Variants in TTLL5 observed in about 807,000 individuals in gnomAD.
TTLL5 encodes tubulin polyglutamylase TTLL5.
In TTLL5, 132 loss-of-function variants were observed where a neutral mutation model predicts 168.4. The observed-to-expected ratio is 0.78, with a 90% confidence interval of 0.68 to 0.91. The LOEUF (loss-of-function observed/expected upper bound fraction) is 0.91, where lower values mean the gene tolerates loss of function less well. Ranked by LOEUF, TTLL5 falls within the 40% of genes least tolerant of loss-of-function variation. The probability of loss-of-function intolerance (pLI) is 0.00; values close to 1 mark genes in which losing one functional copy is unlikely to be tolerated. For missense variants in TTLL5, 1,545 were observed against 1,581.5 expected (o/e 0.98, Z 0.39); for synonymous variants, 546 against 558.6 (o/e 0.98, Z 0.32).
chr14:75,849,084 A>T (rs1400517229), intron 28 of TTLL5, among the ~76,000 whole-genome samples: 1 of 152,356 alleles, frequency 6.6e-6, no homozygotes, highest in East Asian at 1.9e-4. Context: ...GCTTTTTGAC[A>T]TGATACCTCA....
rs545125442 is a variant in TTLL5 at position 75,914,901 on chromosome 14, G to A, written c.3823+12677G>A. ...GCCTCCCAAAGTGCTGGGATTACAG[G>A]CATGAGCCACTGTGCCCGGCCGATC... On this transcript the variant is annotated intron_variant, in intron 31 of 31. Coordinates refer to ENST00000298832, the MANE Select transcript of TTLL5 (RefSeq NM_015072.5). 2.6e-5 allele frequency among the ~76,000 whole-genome samples: 4 copies of A among 152,276 alleles called. No individual in the cohort carries two copies. In the East Asian group the frequency reaches 7.7e-4, roughly 29 times the overall value.
intron 10 of TTLL5, 135 bp downstream of exon 10, chr14:75,718,097 G>A (rs1887590733): frequency 1.3e-6 from 1 of 743,144 alleles, no homozygotes; most frequent in East Asian, 2.7e-5. Context: ...AAATCTGTCA[G>A]TCATATAACA....
At chr14:75,892,899 T>G (rs2032470180) in intron 30 of TTLL5, among the ~76,000 whole-genome samples, 1 of 152,048 alleles carries the variant, frequency 6.6e-6, no homozygotes, top group South Asian at 2.1e-4. Context: ...TTGGGGCTGG[T>G]GTCAGGGGTC....
At chr14:75,809,776 A>G (rs2140387397) in intron 27 of TTLL5, among the ~76,000 whole-genome samples, 1 of 152,168 alleles carries the variant, frequency 6.6e-6, no homozygotes, top group Non-Finnish European at 1.5e-5. Context: ...TCTCCATGAA[A>G]TCCACTCTTT....
At chr14:75,822,519 TA>T (rs1311101375) in intron 28 of TTLL5, among the ~76,000 whole-genome samples, 2 of 152,196 alleles carry the variant, frequency 1.3e-5, no homozygotes, top group South Asian at 2.1e-4. Flanking sequence ...GGCTGCCTTG[TA>T]AACTGTAATA....
intron 30 of TTLL5, among the ~76,000 whole-genome samples, chr14:75,886,392 C>T (rs180758886): frequency 2.4e-4 from 37 of 152,246 alleles, no homozygotes; most frequent in African/African-American, 8.2e-4. Context: ...ATCTGTAAAA[C>T]GAAACCCACT....
At chr14:75,744,974 T>C in intron 15 of TTLL5, 121 bp from the exon 16 acceptor site, 1 of 779,010 alleles carries the variant, frequency 1.3e-6, no homozygotes, top group South Asian at 2.0e-5. Context: ...GAAAGTGGGC[T>C]ATGAATTTGA....
chr14:75,813,285 T>C (rs931286234), intron 27 of TTLL5, among the ~76,000 whole-genome samples: 1 of 109,192 alleles, frequency 9.2e-6, no homozygotes, highest in South Asian at 3.9e-4. Context: ...TGTGTGTGTG[T>C]GTGTGTGTGT....
chr14:75,804,821 T>A (rs1326314945), intron 27 of TTLL5, among the ~76,000 whole-genome samples: 1 of 152,198 alleles, frequency 6.6e-6, no homozygotes, highest in Non-Finnish European at 1.5e-5. Flanking sequence ...AATTCTTCTC[T>A]TGGCTACTTG....
intron 31 of TTLL5, chr14:75,930,732 T>C (rs1350377035): frequency 2.8e-6 from 2 of 706,092 alleles, no homozygotes; most frequent in African/African-American, 3.9e-5. Flanking sequence ...TTTCACCTGG[T>C]ATAAATATTG....
chr14:75,900,374 ATCT>A (rs2032871060), intron 30 of TTLL5, among the ~76,000 whole-genome samples: 1 of 152,106 alleles, frequency 6.6e-6, no homozygotes, highest in Non-Finnish European at 1.5e-5. Flanking sequence ...CTGGGCTAGA[ATCT>A]TCTCAAGCGG....
intron 31 of TTLL5, among the ~76,000 whole-genome samples, chr14:75,931,528 C>T (rs1011317945): frequency 1.3e-5 from 2 of 152,160 alleles, no homozygotes; most frequent in African/African-American, 4.8e-5. Flanking sequence ...GTTTTCCAGA[C>T]GGATCTCTTC....
At chr14:75,776,903 C>T in intron 23 of TTLL5, 53 bp downstream of exon 23, 1 of 1,377,700 alleles carries the variant, frequency 7.3e-7, no homozygotes, top group African/African-American at 1.4e-5. Flanking sequence ...TTCCATAATG[C>T]TCATTGAGTA....
At chr14:75,662,319 G>A (rs1478400500) in intron 1 of TTLL5, among the ~76,000 whole-genome samples, 1 of 150,278 alleles carries the variant, frequency 6.7e-6, no homozygotes, top group East Asian at 1.9e-4. Flanking sequence ...GTTGGCAGGG[G>A]TTTTTTGTTG....
At chr14:75,918,978 G>A (rs888637463) in intron 31 of TTLL5, among the ~76,000 whole-genome samples, 6 of 151,782 alleles carry the variant, frequency 4.0e-5, no homozygotes, top group African/African-American at 1.5e-4. Flanking sequence ...TGAGGCAGGT[G>A]GATCACGAGG....
intron 27 of TTLL5, among the ~76,000 whole-genome samples, chr14:75,796,899 G>A (rs539831547): frequency 6.6e-6 from 1 of 152,184 alleles, no homozygotes; most frequent in African/African-American, 2.4e-5. Context: ...GTTGTGTTTT[G>A]GCTATGCAGG....
At chr14:75,671,893 C>G (rs1443903334) in intron 3 of TTLL5, among the ~76,000 whole-genome samples, 1 of 152,136 alleles carries the variant, frequency 6.6e-6, no homozygotes, top group South Asian at 2.1e-4. Flanking sequence ...ATTGTTCTGG[C>G]TAGAATTTCT....
intron 18 of TTLL5, among the ~76,000 whole-genome samples, chr14:75,760,246 T>A (rs1405790078): frequency 6.6e-6 from 1 of 152,032 alleles, no homozygotes; most frequent in African/African-American, 2.4e-5. Flanking sequence ...ACAACAGCAT[T>A]TGAAAATATG....
intron 15 of TTLL5, chr14:75,737,739 G>A: frequency 1.2e-6 from 1 of 847,110 alleles, no homozygotes; most frequent in Non-Finnish European, 1.8e-6. Flanking sequence ...ATAACAAAGT[G>A]AATGAAAATG....
Sources: gnomAD v4.1 joint callset for allele counts (sites outside exome capture counted in the v4.1 genomes callset) on GRCh38, gnomAD v4.1.1 for gene constraint, MANE v1.5 for transcripts, NCBI Gene and HGNC (gene_info 2026-07-23, HGNC 2026-07-21) for gene names.